Variants in MDGA1 observed in about 807,000 individuals in gnomAD.
MDGA1 encodes MAM domain-containing glycosylphosphatidylinositol anchor protein 1.
A neutral mutation model predicts 101.5 loss-of-function variants in MDGA1; 54 were observed. That is an observed-to-expected ratio of 0.53 (90% CI 0.43 to 0.67). MDGA1 has a LOEUF of 0.67. MDGA1 is among the 30% of genes least tolerant of loss of function. The pLI is 0.00. For missense variants in MDGA1, 1,083 were observed against 1,323.8 expected (o/e 0.82, Z 2.82); for synonymous variants, 533 against 558.3 (o/e 0.95, Z 0.64).
In MDGA1 at chr6:37,637,341, G is replaced by C. The variant is rs775453013; in HGVS notation, c.*27C>G. 1 of 1,581,856 alleles carries C rather than the reference G, an allele frequency of 6.3e-7. No homozygotes were observed. Among genetic ancestry groups the C allele is most frequent in the Non-Finnish European group, 8.7e-7 (1 of 1,152,040 alleles). ...GACACTTTGGTGTGCCGGGGGCAAG[G>C]TTGGGGGGGTGGCCACACAGCTCTC... On this transcript the variant is annotated 3_prime_UTR_variant, in exon 17 of 17. Coordinates refer to ENST00000434837, the MANE Select transcript of MDGA1 (RefSeq NM_153487.4).
In MDGA1 at chr6:37,659,241, A is replaced by G. The variant is rs553929739; in HGVS notation, c.208-822T>C. Reference sequence around the variant, plus strand: ...AAGCTGCTCCCGGGTTCCTGTCCACAGGAACTGTGAGACAGTACATGTTGT... The same window carrying G: ...AAGCTGCTCCCGGGTTCCTGTCCACGGGAACTGTGAGACAGTACATGTTGT... On this transcript the variant is annotated intron_variant, in intron 2 of 16. Coordinates refer to ENST00000434837, the MANE Select transcript of MDGA1 (RefSeq NM_153487.4). 9.8e-5 allele frequency among the ~76,000 whole-genome samples: 15 copies of G among 152,328 alleles called. 1 individual carries two copies. In the South Asian group the frequency reaches 3.1e-3, roughly 32 times the overall value.
At chr6:37,673,066 AC>A (rs1399466323) in intron 1 of MDGA1, among the ~76,000 whole-genome samples, 2 of 151,916 alleles carry the variant, frequency 1.3e-5, no homozygotes, top group African/African-American at 4.8e-5. Flanking sequence ...TAACAAGCCT[AC>A]TATGGTTCGG....
intron 14 of MDGA1, among the ~76,000 whole-genome samples, chr6:37,640,326 A>G (rs1764035726): frequency 6.6e-6 from 1 of 152,068 alleles, no homozygotes; most frequent in South Asian, 2.1e-4. Context: ...GTGGCAAGAC[A>G]GATACGGAGG....
In MDGA1 at chr6:37,635,137, C is replaced by T. The variant is rs768286728; in HGVS notation, c.*2231G>A. On this transcript the variant is annotated 3_prime_UTR_variant, in exon 17 of 17. Transcript: ENST00000434837. The stretch of plus-strand genomic sequence containing the variant: ...TTCAACATTTCTTGATGTCCGACTG[C>T]GCTCCAGTCCAATTAACTCAGAACC... 2.6e-5 allele frequency: 6 copies of T among 233,968 alleles called. No homozygotes were observed. The highest frequency in any genetic ancestry group is 8.5e-5 in the East Asian group (1 of 11,808). 14.5% of individuals were successfully genotyped at this position (233,968 alleles called of 1,614,324 possible).
chr6:37,685,715 CG>C (rs566082214), intron 1 of MDGA1, among the ~76,000 whole-genome samples: 8 of 152,108 alleles, frequency 5.3e-5, no homozygotes, highest in African/African-American at 1.7e-4. Context: ...CCGACAGTGT[CG>C]GGGGGCGCTG....
In MDGA1 at chr6:37,646,593, G is replaced by A. The variant is rs12662703; in HGVS notation, c.2047-218C>T. Among the ~76,000 whole-genome samples, 1,778 of 152,252 alleles carry A rather than the reference G, an allele frequency of 0.012. 56 individuals carry two copies. The East Asian group carries it at 0.13, about 11-fold the overall frequency. On this transcript the variant is annotated intron_variant, in intron 10 of 16. Coordinates refer to ENST00000434837, the MANE Select transcript of MDGA1 (RefSeq NM_153487.4). ...TTAATCCTCAAAATTACAATCCTAT[G>A]AGGCAAAAATCATAATTACCCCCAT... is the stretch of plus-strand genomic sequence containing the variant.
At chr6:37,645,438 G>C (rs745880925) in intron 12 of MDGA1, among the ~76,000 whole-genome samples, 10 of 152,168 alleles carry the variant, frequency 6.6e-5, no homozygotes, top group Non-Finnish European at 1.0e-4. Flanking sequence ...GGAGGCTGAG[G>C]CAGGAGAATC....
chr6:37,651,704 G>A (rs1761363775), intron 7 of MDGA1, among the ~76,000 whole-genome samples: 1 of 152,102 alleles, frequency 6.6e-6, no homozygotes. Context: ...TGCCCTCAGG[G>A]AACTCTTTCC....
Position 37,654,161 on chromosome 6 carries a change from C to T in MDGA1, c.982+113G>A, listed in dbSNP as rs1262016937. Reference sequence around the variant, plus strand: ...GGCGTGGAACATCCTCTGCATGACTCATCTACCAAGGAGAAGCAGACAGGC... The same window carrying T: ...GGCGTGGAACATCCTCTGCATGACTTATCTACCAAGGAGAAGCAGACAGGC... On this transcript the variant is annotated intron_variant, in intron 6 of 16. Coordinates refer to ENST00000434837, the MANE Select transcript of MDGA1 (RefSeq NM_153487.4). 8 of 1,244,544 alleles carry T rather than the reference C, an allele frequency of 6.4e-6. No homozygotes were observed. The East Asian group carries it at 7.9e-5, about 12-fold the overall frequency. 77.1% of individuals were successfully genotyped at this position (1,244,544 alleles called of 1,614,324 possible).
Position 37,642,171 on chromosome 6 carries a change from GTTTC to G in MDGA1, c.2536+1634_2536+1637del, listed in dbSNP as rs1554132396. 9.4e-5 allele frequency among the ~76,000 whole-genome samples: 11 copies of G among 117,442 alleles called. No homozygotes were observed. The South Asian group carries it at 1.8e-3, about 19-fold the overall frequency. 77.0% of individuals were successfully genotyped at this position (117,442 alleles called of 152,430 possible). On this transcript the variant is annotated intron_variant, in intron 14 of 16. Transcript: ENST00000434837. ...TGTATATATATATATATATGTACTG[GTTTC>G]TTTCTTTTTTTTTTTTTTTTTGAGA...
chr6:37,644,403 G>T, intron 13 of MDGA1, 94 bp downstream of exon 13: 2 of 1,295,240 alleles, frequency 1.5e-6, no homozygotes, highest in Non-Finnish European at 2.0e-6. Flanking sequence ...CCTCAGACTG[G>T]AGCCGTCTCC....
intron 13 of MDGA1, 68 bp from the exon 14 acceptor site, chr6:37,644,011 C>G (rs1764158398): frequency 2.5e-6 from 4 of 1,587,740 alleles, no homozygotes; most frequent in Non-Finnish European, 8.6e-7. Flanking sequence ...CTGATTCCCT[C>G]TCTGCCTAGG....
Position 37,655,914 on chromosome 6 carries a change from C to T in MDGA1, c.383-18G>A. On this transcript the variant is annotated intron_variant, in intron 3 of 16. Transcript: ENST00000434837. The surrounding 1 kb of genome is among the most constrained non-coding windows in gnomAD (Gnocchi z 5.1). ...ATCCAGGTCTGCAAGGGCACAGCCC[C>T]CATGGAGTCAGGACTGGGTGACCCC... The T allele has an allele frequency of 6.2e-7, 1 of 1,603,542 alleles. No individual in the cohort carries two copies. The highest frequency in any genetic ancestry group is 2.2e-5 in the East Asian group (1 of 44,684).
In MDGA1 at chr6:37,654,277, G is replaced by A; in HGVS notation, c.979C>T (p.Arg327Ter). ...PAKKTVNLLV[R>*]SMKNATFQIT... is the part of the protein sequence containing the mutation. ...CACCCCTTCTGAGGCCACGTACATC[G>A]CACCAGCAGGTTGACAGTCTTCTTG... The change falls in exon 6 of 17, where the codon CGA (arginine) becomes TGA (stop). Residue 327 changes from arginine to a stop codon, truncating the protein, a stop_gained. Coordinates refer to ENST00000434837, the MANE Select transcript of MDGA1 (RefSeq NM_153487.4). LOFTEE classifies it high-confidence loss of function. 6.5e-7 allele frequency: 1 copy of A among 1,541,656 alleles called. No homozygotes were observed. The highest frequency in any genetic ancestry group is 8.7e-7 in the Non-Finnish European group (1 of 1,143,326).
chr6:37,644,696 C>T (rs1192098787), intron 12 of MDGA1, 47 bp from the exon 13 acceptor site: 4 of 1,466,502 alleles, frequency 2.7e-6, no homozygotes, highest in Non-Finnish European at 3.6e-6. Context: ...CTCTTCAGTC[C>T]CTGAGGCCCA....
Position 37,648,680 on chromosome 6 carries a change from T to A in MDGA1, c.1894+302A>T, listed in dbSNP as rs188700200. The A allele has an allele frequency of 2.3e-3, 1,193 of 510,096 alleles. 8 individuals are homozygous for A. The highest frequency in any genetic ancestry group is 0.02 in the African/African-American group (995 of 49,006). 31.6% of individuals were successfully genotyped at this position (510,096 alleles called of 1,614,324 possible). On this transcript the variant is annotated intron_variant, in intron 9 of 16. Transcript: ENST00000434837. ...TGTAATGGGCGGGGCTTAGGACTGGTATAGGCATAGGCGGGCCTTGGAAGG... is the reference window on the plus strand; with the variant it reads ...TGTAATGGGCGGGGCTTAGGACTGGAATAGGCATAGGCGGGCCTTGGAAGG...
At chr6:37,694,975 C>T (rs756137608) in intron 1 of MDGA1, among the ~76,000 whole-genome samples, 21 of 152,198 alleles carry the variant, frequency 1.4e-4, no homozygotes, top group Non-Finnish European at 2.8e-4. Flanking sequence ...ACCACTGCCC[C>T]TGACTCCAAA....
In MDGA1 at chr6:37,649,304, A is replaced by G. The variant is rs780106195; in HGVS notation, c.1610-38T>C. 13 of 1,450,798 alleles carry G rather than the reference A, an allele frequency of 9.0e-6. No homozygotes were observed. In the African/African-American group the frequency reaches 1.6e-4, roughly 18 times the overall value. The allele number at this position is 1,450,798 out of a possible 1,614,324, so 89.9% of individuals were successfully genotyped here. ...GCGGCGGTCAGCGGGGCCTCTCCCCAGCGAGTGGGGCCTGAGGAGTGGCCC... is the reference window on the plus strand; with the variant it reads ...GCGGCGGTCAGCGGGGCCTCTCCCCGGCGAGTGGGGCCTGAGGAGTGGCCC... On this transcript the variant is annotated intron_variant, in intron 8 of 16. Transcript: ENST00000434837.
intron 1 of MDGA1, among the ~76,000 whole-genome samples, chr6:37,673,173 T>C (rs1239559631): frequency 6.6e-6 from 1 of 152,156 alleles, no homozygotes; most frequent in Non-Finnish European, 1.5e-5. Context: ...CCGTCTTTCA[T>C]GCTAACCGCC....
Sources: gnomAD v4.1 joint callset for allele counts (sites outside exome capture counted in the v4.1 genomes callset) on GRCh38, gnomAD v4.1.1 for gene constraint, Gnocchi (gnomAD v3.1) non-coding constraint, MANE v1.5 for transcripts, NCBI Gene and HGNC (gene_info 2026-07-23, HGNC 2026-07-21) for gene names.